Variants in KCNIP4 observed in about 807,000 individuals in gnomAD.
The protein encoded by KCNIP4 is potassium voltage-gated channel interacting protein 4.
A neutral mutation model predicts 34.0 loss-of-function variants in KCNIP4; 12 were observed. That is an observed-to-expected ratio of 0.35 (90% confidence interval 0.23 to 0.57). KCNIP4 has a LOEUF of 0.57. Among genes scored for constraint, KCNIP4 ranks in the 20% least tolerant of loss-of-function variants. The pLI is 0.83. For synonymous variants in KCNIP4, 124 were observed against 102.2 expected, an observed-to-expected ratio of 1.21 and a Z score of -1.29; for missense variants, 238 against 311.7, an observed-to-expected ratio of 0.76 and a Z score of 1.78.
intron 1 of KCNIP4, among the ~76,000 whole-genome samples, chr4:21,109,404 C>A (rs560793126): frequency 6.6e-6 from 1 of 152,244 alleles, no homozygotes; most frequent in Non-Finnish European, 1.5e-5. Context: ...ACCCTCTGAG[C>A]CAGGTGCGGG....
chr4:21,003,038 A>G (rs1738273318), intron 1 of KCNIP4, among the ~76,000 whole-genome samples: 2 of 152,172 alleles, frequency 1.3e-5, no homozygotes, highest in African/African-American at 4.8e-5. Context: ...CATAATGACA[A>G]TCACAGCAAC....
chr4:21,529,634 G>A (rs1192404309), intron 1 of KCNIP4, among the ~76,000 whole-genome samples: 1 of 152,190 alleles, frequency 6.6e-6, no homozygotes, highest in Middle Eastern at 3.4e-3. Context: ...AAGACACCCT[G>A]GATGGTAGTA....
At chr4:21,260,273 C>G (rs1761387096) in intron 1 of KCNIP4, among the ~76,000 whole-genome samples, 2 of 152,110 alleles carry the variant, frequency 1.3e-5, no homozygotes, top group African/African-American at 4.8e-5. Flanking sequence ...CGGGCAAAAG[C>G]CTTTATCCTA....
At chr4:20,861,264 T>C (rs1386114046) in intron 2 of KCNIP4, among the ~76,000 whole-genome samples, 4 of 152,198 alleles carry the variant, frequency 2.6e-5, no homozygotes, top group Non-Finnish European at 5.9e-5. Flanking sequence ...AAATGCTTTA[T>C]TGCAAGAATG....
chr4:21,897,149 G>A (rs1398225819), intron 1 of KCNIP4, among the ~76,000 whole-genome samples: 1 of 151,980 alleles, frequency 6.6e-6, no homozygotes, highest in Admixed American at 6.6e-5. Flanking sequence ...TAAGAGAACA[G>A]TATGCCCTTT....
At chr4:21,745,982 G>A (rs769175307) in intron 1 of KCNIP4, among the ~76,000 whole-genome samples, 15 of 152,126 alleles carry the variant, frequency 9.9e-5, no homozygotes, top group Non-Finnish European at 2.2e-4. Flanking sequence ...TTTTCTCGCA[G>A]ATCTGGAGGC....
At chr4:21,861,269 A>T (rs904507280) in intron 1 of KCNIP4, among the ~76,000 whole-genome samples, 1 of 152,212 alleles carries the variant, frequency 6.6e-6, no homozygotes, top group African/African-American at 2.4e-5. Context: ...AGGGATATGA[A>T]TTTTTTGGTA....
At chr4:20,986,069 C>T (rs1022861289) in intron 1 of KCNIP4, among the ~76,000 whole-genome samples, 2 of 152,170 alleles carry the variant, frequency 1.3e-5, no homozygotes, top group Non-Finnish European at 1.5e-5. Flanking sequence ...CCCCTGCTCA[C>T]ATATGGTAGT....
At chr4:21,935,943 T>C (rs1009921295) in intron 1 of KCNIP4, among the ~76,000 whole-genome samples, 5 of 139,004 alleles carry the variant, frequency 3.6e-5, no homozygotes, top group Non-Finnish European at 7.6e-5. Context: ...TAAACAAATA[T>C]ACCCAAAAGA....
At chr4:21,234,911 G>C (rs777394653) in intron 1 of KCNIP4, among the ~76,000 whole-genome samples, 1 of 151,890 alleles carries the variant, frequency 6.6e-6, no homozygotes, top group South Asian at 2.1e-4. Context: ...GCCTCCCAAA[G>C]TGTTGGGATT....
chr4:21,588,840 T>C (rs1741873944), intron 1 of KCNIP4, among the ~76,000 whole-genome samples: 1 of 151,686 alleles, frequency 6.6e-6, no homozygotes, highest in Non-Finnish European at 1.5e-5. Flanking sequence ...TTGTAATTAG[T>C]AATAAGTCAC....
intron 1 of KCNIP4, among the ~76,000 whole-genome samples, chr4:21,295,827 C>T (rs1763807798): frequency 6.6e-6 from 1 of 151,894 alleles, no homozygotes; most frequent in African/African-American, 2.4e-5. Context: ...CTTGCTTCCC[C>T]AATAGTATAT....
chr4:20,764,857 G>C lies in KCNIP4; in HGVS notation c.289-5967C>G, dbSNP rs551358149. Among the ~76,000 whole-genome samples the C allele has an allele frequency of 1.6e-4, 25 of 152,300 alleles. 1 individual carries two copies. In the South Asian group the frequency reaches 4.1e-3, roughly 25 times the overall value. ...TTCACACAGACAGGGTCGCTGTGAT[G>C]GCACTCAGCCGGACCACATCACCAC... On this transcript the variant is annotated intron_variant, in intron 3 of 8. Transcript: ENST00000382152.
intron 1 of KCNIP4, among the ~76,000 whole-genome samples, chr4:21,190,994 G>C (rs1755604050): frequency 6.6e-6 from 1 of 152,214 alleles, no homozygotes; most frequent in African/African-American, 2.4e-5. Context: ...CTTGGTAGAT[G>C]AGAGAATTGT....
intron 3 of KCNIP4, among the ~76,000 whole-genome samples, chr4:20,844,700 T>C (rs1301333516): frequency 6.6e-6 from 1 of 152,172 alleles, no homozygotes; most frequent in Non-Finnish European, 1.5e-5. Flanking sequence ...AAATCGGACG[T>C]AGTGCTTTTT....
Position 20,995,938 on chromosome 4 carries a change from G to A in KCNIP4, c.62-113229C>T, listed in dbSNP as rs77345813. ...AACATTAGTGTCCATGAGAAAATGC[G>A]TTTAAAGTGTGGTAGGATTTCAGGG... On this transcript the variant is annotated intron_variant, in intron 1 of 8. Coordinates refer to ENST00000382152, the MANE Select transcript of KCNIP4 (RefSeq NM_025221.6). 3.2e-3 allele frequency among the ~76,000 whole-genome samples: 493 copies of A among 152,292 alleles called. 2 individuals carry two copies. Among genetic ancestry groups the A allele is most frequent in the African/African-American group, 0.011 (438 of 41,554 alleles).
intron 1 of KCNIP4, among the ~76,000 whole-genome samples, chr4:21,794,238 G>C (rs143408733): frequency 6.6e-6 from 1 of 151,914 alleles, no homozygotes; most frequent in Non-Finnish European, 1.5e-5. Context: ...AAACCTGCAC[G>C]TTGTGCACAT....
chr4:21,776,349 G>A (rs1449486933), intron 1 of KCNIP4, among the ~76,000 whole-genome samples: 1 of 151,848 alleles, frequency 6.6e-6, no homozygotes, highest in East Asian at 1.9e-4. Flanking sequence ...TTTTCGATGG[G>A]AGCCTCCGAA....
chr4:20,775,487 G>A (rs1454719141), intron 3 of KCNIP4, among the ~76,000 whole-genome samples: 1 of 150,752 alleles, frequency 6.6e-6, no homozygotes, highest in East Asian at 1.9e-4. Context: ...GATTGCTTGA[G>A]GCCAGGAGTC....
Sources: allele counts gnomAD v4.1 joint callset (sites outside exome capture counted in the v4.1 genomes callset), GRCh38; gene constraint gnomAD v4.1.1; transcripts MANE v1.5; gene names NCBI Gene and HGNC (gene_info 2026-07-23, HGNC 2026-07-21).